KLF12: variants seen among roughly 807,000 people sequenced by gnomAD.
KLF12 encodes the protein KLF transcription factor 12, also known as Krueppel-like factor 12.
A neutral mutation model predicts 37.8 loss-of-function variants in KLF12; 9 were observed. The ratio of observed to expected loss-of-function variants is 0.24; its 90% confidence interval spans 0.14 to 0.42. The LOEUF (loss-of-function observed/expected upper bound fraction) is 0.42, where lower values mean the gene tolerates loss of function less well. Among genes scored for constraint, KLF12 ranks in the 10% least tolerant of loss-of-function variants. The pLI is 1.00. For synonymous variants in KLF12, 208 were observed against 202.1 expected (o/e 1.03, Z -0.25); for missense variants, 411 against 516.0 (o/e 0.80, Z 1.97).
At position 73,752,726 on chromosome 13, in the gene KLF12, A is replaced by ATTTTTT. The variant is rs139830073; in HGVS notation, c.869+12211_869+12212insAAAAAA. On this transcript the variant is annotated intron_variant, in intron 6 of 7. Coordinates refer to ENST00000377669, the MANE Select transcript of KLF12 (RefSeq NM_007249.5). ...CTCATTCCCCTGCTCCCTTCCACAT[A>ATTTTTT]TATATTTTTTTTTTTTTGACACAGA... Among the ~76,000 whole-genome samples the ATTTTTT allele has an allele frequency of 3.7e-5, 4 of 108,136 alleles. 2 individuals carry two copies. The highest frequency in any genetic ancestry group is 7.2e-5 in the Non-Finnish European group (4 of 55,774). 70.9% of individuals were successfully genotyped at this position (108,136 alleles called of 152,430 possible). A position where few individuals can be genotyped will look rare whatever the true frequency, so the allele number is the denominator to read the frequency against.
chr13:73,929,722 A>G (rs1302773292), intron 3 of KLF12, among the ~76,000 whole-genome samples: 2 of 152,180 alleles, frequency 1.3e-5, no homozygotes, highest in Non-Finnish European at 2.9e-5. Context: ...TGGTGCCAGA[A>G]ATGTCACAGC....
At chr13:74,188,117 A>G in the KLF12 span, among the ~76,000 whole-genome samples, 2 of 152,194 alleles carry the variant, frequency 1.3e-5, no homozygotes, top group African/African-American at 4.8e-5. Context: ...TAGAGTAATA[A>G]AAATAAAAGA....
At chr13:74,038,622 C>T (rs1018860912) in intron 1 of KLF12, among the ~76,000 whole-genome samples, 15 of 152,080 alleles carry the variant, frequency 9.9e-5, no homozygotes, top group East Asian at 1.9e-4. Flanking sequence ...TGACTATAAA[C>T]GACTAGTATA....
intron 1 of KLF12, among the ~76,000 whole-genome samples, chr13:74,057,132 G>A (rs773328519): frequency 1.3e-5 from 2 of 152,108 alleles, no homozygotes; most frequent in African/African-American, 2.4e-5. Flanking sequence ...TCTAATATTC[G>A]ATTTCAGGCT....
chr13:73,833,871 A>G (rs1160875414), intron 4 of KLF12, among the ~76,000 whole-genome samples: 2 of 152,042 alleles, frequency 1.3e-5, no homozygotes, highest in African/African-American at 2.4e-5. Context: ...GCAGCCTCCT[A>G]TTTCACCATG....
chr13:74,099,585 A>G (rs1365459431), intron 1 of KLF12, among the ~76,000 whole-genome samples: 1 of 152,218 alleles, frequency 6.6e-6, no homozygotes, highest in East Asian at 1.9e-4. Flanking sequence ...TCAAACTGAA[A>G]TACCAATTAA....
chr13:73,906,810 G>A (rs988113993), intron 3 of KLF12, among the ~76,000 whole-genome samples: 3 of 152,184 alleles, frequency 2.0e-5, no homozygotes, highest in Non-Finnish European at 4.4e-5. Context: ...ATTTCTGTCT[G>A]CTTCTTCTGA....
intron 6 of KLF12, among the ~76,000 whole-genome samples, chr13:73,724,824 T>C (rs1419636039): frequency 6.6e-6 from 1 of 152,222 alleles, no homozygotes; most frequent in Non-Finnish European, 1.5e-5. Context: ...AGTGGGTTTC[T>C]TGACCCCTAG....
chr13:74,177,745 G>A, the KLF12 span, among the ~76,000 whole-genome samples: 4 of 152,124 alleles, frequency 2.6e-5, no homozygotes, highest in Non-Finnish European at 5.9e-5. Context: ...GAGAAGAGAG[G>A]CCAGACAGAC....
At chr13:74,179,010 TG>T in the KLF12 span, among the ~76,000 whole-genome samples, 4 of 152,256 alleles carry the variant, frequency 2.6e-5, no homozygotes, top group Non-Finnish European at 5.9e-5. Flanking sequence ...TGCAGTCAGC[TG>T]GTGGTCAATA....
chr13:73,894,587 C>T (rs192597795), intron 3 of KLF12, among the ~76,000 whole-genome samples: 1 of 152,166 alleles, frequency 6.6e-6, no homozygotes, highest in Non-Finnish European at 1.5e-5. Context: ...AACTTAATCA[C>T]TTTTTTCTCT....
At chr13:73,972,006 G>C (rs572187692) in intron 2 of KLF12, among the ~76,000 whole-genome samples, 2 of 152,096 alleles carry the variant, frequency 1.3e-5, no homozygotes, top group Non-Finnish European at 2.9e-5. Flanking sequence ...GGGTGCTACC[G>C]AATCATTAAG....
chr13:73,806,103 T>G (rs1882602971), intron 5 of KLF12, among the ~76,000 whole-genome samples: 1 of 31,848 alleles, frequency 3.1e-5, no homozygotes, highest in South Asian at 1.4e-3. Context: ...CCCTGCCAGT[T>G]TTTTTTTTCT....
chr13:73,811,810 A>G (rs1882954646), intron 5 of KLF12, among the ~76,000 whole-genome samples: 2 of 152,220 alleles, frequency 1.3e-5, no homozygotes, highest in African/African-American at 4.8e-5. Flanking sequence ...GTATATTCAT[A>G]TACAATATCA....
intron 4 of KLF12, among the ~76,000 whole-genome samples, chr13:73,814,375 G>A (rs369645850): frequency 1.4e-4 from 21 of 152,202 alleles, no homozygotes; most frequent in African/African-American, 4.8e-4. Flanking sequence ...ACATTACACC[G>A]AACCACATGG....
chr13:73,858,360 C>G (rs1885721052), intron 3 of KLF12, among the ~76,000 whole-genome samples: 1 of 152,144 alleles, frequency 6.6e-6, no homozygotes, highest in African/African-American at 2.4e-5. Context: ...AACACATCCA[C>G]TTATAATTTG....
the KLF12 span, among the ~76,000 whole-genome samples, chr13:74,198,117 G>A: frequency 6.6e-6 from 1 of 152,168 alleles, no homozygotes; most frequent in Admixed American, 6.6e-5. Flanking sequence ...GCAAAGATGG[G>A]GAATTTTGTC....
intron 6 of KLF12, among the ~76,000 whole-genome samples, chr13:73,737,190 T>C (rs994549351): frequency 3.3e-5 from 5 of 152,218 alleles, no homozygotes; most frequent in African/African-American, 9.6e-5. Flanking sequence ...ATGTATTAAA[T>C]GTGTTATTGG....
intron 5 of KLF12, among the ~76,000 whole-genome samples, chr13:73,780,949 A>C (rs1880927235): frequency 6.6e-6 from 1 of 152,270 alleles, no homozygotes; most frequent in Admixed American, 6.5e-5. Flanking sequence ...AAATGCTATC[A>C]AACAGCACTG....
Sources: gnomAD v4.1 joint callset for allele counts (sites outside exome capture counted in the v4.1 genomes callset) on GRCh38, gnomAD v4.1.1 for gene constraint, MANE v1.5 for transcripts, NCBI Gene and HGNC (gene_info 2026-07-23, HGNC 2026-07-21) for gene names.